AGO2: variants seen among roughly 807,000 people sequenced by gnomAD.
The protein encoded by AGO2 is protein argonaute-2.
In AGO2, 5 loss-of-function variants were observed where a neutral mutation model predicts 102.3. That is an observed-to-expected ratio of 0.05 (90% CI 0.03 to 0.10). The LOEUF (loss-of-function observed/expected upper bound fraction) is 0.10, where lower values mean the gene tolerates loss of function less well. AGO2 is among the 10% of genes least tolerant of loss of function. AGO2 has a pLI of 1.00. For synonymous variants in AGO2, 449 were observed against 473.1 expected, an observed-to-expected ratio of 0.95 and a Z score of 0.66; for missense variants, 541 against 1,183.7, an observed-to-expected ratio of 0.46 and a Z score of 7.97.
chr8:140,568,299 A>AAAAAAG (rs1368365026), intron 3 of AGO2, among the ~76,000 whole-genome samples: 1 of 150,316 alleles, frequency 6.7e-6, no homozygotes, highest in African/African-American at 2.4e-5. Flanking sequence ...AAAAAAAAAA[A>AAAAAAG]AGAGAGAGCA....
At chr8:140,627,459 A>G (rs1273208849) in intron 1 of AGO2, among the ~76,000 whole-genome samples, 1 of 152,238 alleles carries the variant, frequency 6.6e-6, no homozygotes, top group Non-Finnish European at 1.5e-5. Context: ...AGCAGAGTAC[A>G]CTAACTCTCT....
At chr8:140,629,113 A>C (rs1442407305) in intron 1 of AGO2, among the ~76,000 whole-genome samples, 1 of 152,060 alleles carries the variant, frequency 6.6e-6, no homozygotes, top group East Asian at 1.9e-4. Context: ...TAAATAAATA[A>C]ATTTTTAAAA....
At position 140,557,702 on chromosome 8, in the gene AGO2, G is replaced by A. The variant is rs1016280934; in HGVS notation, c.879-466C>T. Among the ~76,000 whole-genome samples the A allele has an allele frequency of 5.3e-5, 8 of 152,258 alleles. No individual in the cohort carries two copies. The highest frequency in any genetic ancestry group is 1.9e-4 in the African/African-American group (8 of 41,466). ...AGACGCCTGGGTGCAGTATGGGTGA[G>A]TGAGGGGGAGGCCCACAGGCACAGG... is the stretch of plus-strand genomic sequence containing the variant. On this transcript the variant is annotated intron_variant, in intron 7 of 18. Transcript: ENST00000220592. This position sits in a 1 kb window ranked among gnomAD's most constrained non-coding sequence, Gnocchi z 5.9.
intron 1 of AGO2, among the ~76,000 whole-genome samples, chr8:140,608,578 C>G (rs561533643): frequency 1.7e-3 from 253 of 152,194 alleles, no homozygotes; most frequent in Non-Finnish European, 3.2e-3. Context: ...ACACCGTGGA[C>G]GGAGCAGGTC....
chr8:140,580,218 C>A (rs971779563), intron 2 of AGO2, among the ~76,000 whole-genome samples: 2 of 152,270 alleles, frequency 1.3e-5, no homozygotes, highest in African/African-American at 4.8e-5. Flanking sequence ...AAACCCCACC[C>A]CGGCAGCCCC....
At chr8:140,552,728 ACG>A (rs71504805) in intron 10 of AGO2, among the ~76,000 whole-genome samples, 61 of 124,134 alleles carry the variant, frequency 4.9e-4, no homozygotes, top group African/African-American at 7.1e-4. Context: ...ACGCACATGC[ACG>A]CGCGCGCGCG....
intron 2 of AGO2, among the ~76,000 whole-genome samples, chr8:140,578,127 G>A (rs1208654872): frequency 6.6e-6 from 1 of 152,214 alleles, no homozygotes; most frequent in Admixed American, 6.5e-5. Flanking sequence ...GCCCAGTGCC[G>A]AGGGTGAGGA....
chr8:140,584,040 G>T (rs1254888602), intron 2 of AGO2, among the ~76,000 whole-genome samples: 1 of 151,452 alleles, frequency 6.6e-6, no homozygotes, highest in Non-Finnish European at 1.5e-5. Flanking sequence ...CTATCCTATT[G>T]GTTCTGTCGC....
At chr8:140,565,528 C>T (rs1451390437) in intron 3 of AGO2, among the ~76,000 whole-genome samples, 1 of 150,802 alleles carries the variant, frequency 6.6e-6, no homozygotes, top group Non-Finnish European at 1.5e-5. Flanking sequence ...TTAATCCCAG[C>T]TACCTGGGAG....
chr8:140,625,837 A>G (rs917700930), intron 1 of AGO2, among the ~76,000 whole-genome samples: 1 of 152,200 alleles, frequency 6.6e-6, no homozygotes, highest in African/African-American at 2.4e-5. Flanking sequence ...CCACCCCCCA[A>G]AAAGCTTCCA....
chr8:140,560,548 G>T (rs1485490933), intron 4 of AGO2, 38 bp from the exon 5 acceptor site: 5 of 1,590,962 alleles, frequency 3.1e-6, no homozygotes, highest in Non-Finnish European at 4.3e-6. Context: ...CCCGTCAGAT[G>T]TGTCTTCCGG....
At position 140,624,625 on chromosome 8, in the gene AGO2, C is replaced by T. The variant is rs997965648; in HGVS notation, c.22+10860G>A. On this transcript the variant is annotated intron_variant, in intron 1 of 18. Transcript: ENST00000220592. The stretch of plus-strand genomic sequence containing the variant: ...GGAGGAGGCTCTGGTCCTCGCATTC[C>T]GAGGCCACCAACTGCGAACATCCAC... Among the ~76,000 whole-genome samples, 11 of 152,360 alleles carry T rather than the reference C, an allele frequency of 7.2e-5. 1 individual carries two copies. Among genetic ancestry groups the T allele is most frequent in the Admixed American group, 1.3e-4 (2 of 15,308 alleles).
chr8:140,537,302 C>T (rs1564072972), intron 16 of AGO2, among the ~76,000 whole-genome samples: 1 of 151,388 alleles, frequency 6.6e-6, no homozygotes, highest in Non-Finnish European at 1.5e-5. Context: ...TCATTTCACT[C>T]TTCCAATTTT....
At chr8:140,534,311 A>G (rs1415535704) in intron 17 of AGO2, among the ~76,000 whole-genome samples, 3 of 152,224 alleles carry the variant, frequency 2.0e-5, no homozygotes, top group Admixed American at 2.0e-4. Context: ...CAGGGAGAAG[A>G]GTTTGCCCAG....
intron 1 of AGO2, among the ~76,000 whole-genome samples, chr8:140,610,872 T>C (rs1450793766): frequency 1.3e-5 from 2 of 152,252 alleles, no homozygotes; most frequent in African/African-American, 4.8e-5. Context: ...TCCATGCAGA[T>C]GAGATTTTAG....
chr8:140,530,623 C>T lies in AGO2; in HGVS notation c.*1421G>A, dbSNP rs2072576539. 1 of 152,302 alleles carries T rather than the reference C, an allele frequency of 6.6e-6. No homozygotes were observed. The highest frequency in any genetic ancestry group is 2.1e-4 in the South Asian group (1 of 4,836). 9.4% of individuals were successfully genotyped at this position (152,302 alleles called of 1,614,324 possible). On this transcript the variant is annotated 3_prime_UTR_variant, in exon 19 of 19. Transcript: ENST00000220592. Reference sequence around the variant, plus strand: ...AGTTTCTAGATTGGCAAACCCAAGTCTGGGGCCCCAAATGCAAACCCCAGA... The same window carrying T: ...AGTTTCTAGATTGGCAAACCCAAGTTTGGGGCCCCAAATGCAAACCCCAGA...
upstream of AGO2, among the ~76,000 whole-genome samples, chr8:140,639,547 G>C (rs1184490722): frequency 2.0e-5 from 3 of 151,480 alleles, no homozygotes; most frequent in Non-Finnish European, 4.4e-5. Flanking sequence ...GCTTTGGGAG[G>C]TCAAGGTGAG....
In AGO2 at chr8:140,557,275, G is replaced by A. The variant is rs201460785; in HGVS notation, c.879-39C>T. The A allele has an allele frequency of 1.0e-3, 1,637 of 1,577,808 alleles. 2 individuals carry two copies. Among genetic ancestry groups the A allele is most frequent in the Non-Finnish European group, 1.1e-3 (1,267 of 1,160,496 alleles). On this transcript the variant is annotated intron_variant, in intron 7 of 18. Transcript: ENST00000220592. The surrounding 1 kb of genome is among the most constrained non-coding windows in gnomAD (Gnocchi z 5.9). ...GGGCTGTTCAGGCCGAGGGCATCCC[G>A]GAGCCCCTTCCCCTGCGCTGCTTTT...
At chr8:140,587,844 G>A (rs2073682128) in intron 1 of AGO2, among the ~76,000 whole-genome samples, 1 of 152,198 alleles carries the variant, frequency 6.6e-6, no homozygotes, top group African/African-American at 2.4e-5. Flanking sequence ...AAGCCCACAA[G>A]GAGGAGACAT....
Sources: gnomAD v4.1 joint callset for allele counts (sites outside exome capture counted in the v4.1 genomes callset) on GRCh38, gnomAD v4.1.1 for gene constraint, Gnocchi (gnomAD v3.1) non-coding constraint, MANE v1.5 for transcripts, NCBI Gene and HGNC (gene_info 2026-07-23, HGNC 2026-07-21) for gene names.